The following TTBK2 variants were observed in gnomAD, a reference collection of about 807,000 sequenced individuals.
TTBK2 encodes the protein tau tubulin kinase 2.
Under a neutral mutation model 110.8 loss-of-function variants are expected in TTBK2, and 28 were observed. That is an observed-to-expected ratio of 0.25 (90% CI 0.19 to 0.35). The LOEUF is 0.35. Among genes scored for constraint, TTBK2 ranks in the 10% least tolerant of loss-of-function variants. The pLI is 1.00. For synonymous variants in TTBK2, 532 were observed against 527.3 expected, an observed-to-expected ratio of 1.01 and a Z score of -0.12; for missense variants, 1,369 against 1,500.3, an observed-to-expected ratio of 0.91 and a Z score of 1.45.
Position 42,904,639 on chromosome 15 carries a change from C to T in TTBK2, c.-68+15799G>A, listed in dbSNP as rs570082552. On this transcript the variant is annotated intron_variant, in intron 1 of 14. Transcript: ENST00000267890. ...GATTCAACTTGTAAATGTAGAATAA[C>T]ATGTGGTGAAAAGTCATTTGAAAAA... is the stretch of plus-strand genomic sequence containing the variant. Among the ~76,000 whole-genome samples the T allele has an allele frequency of 1.3e-3, 204 of 152,160 alleles. 6 individuals carry two copies. In the South Asian group the frequency reaches 0.039, roughly 29 times the overall value.
rs752055848 is a variant in TTBK2, at chr15:42,830,082, T to C, written c.292-4A>G. On this transcript the variant is annotated splice_region_variant and splice_polypyrimidine_tract_variant and intron_variant, in intron 4 of 14. Transcript: ENST00000267890. ...GAAGATCTGCCAGATTCCGACCCTA[T>C]GGAAATCAAATAAACACTTTCAAAT... 4.3e-6 allele frequency: 7 copies of C among 1,613,912 alleles called. No individual in the cohort carries two copies. The highest frequency in any genetic ancestry group is 3.3e-5 in the South Asian group (3 of 91,078).
chr15:42,828,654 C>T (rs928807282), intron 5 of TTBK2, among the ~76,000 whole-genome samples: 30 of 147,182 alleles, frequency 2.0e-4, no homozygotes, highest in Non-Finnish European at 3.6e-4. Context: ...ATCCAGGAGG[C>T]GGAGATTACA....
intron 13 of TTBK2, 131 bp downstream of exon 13, chr15:42,775,004 C>G: frequency 1.1e-6 from 1 of 898,226 alleles, no homozygotes; most frequent in Non-Finnish European, 1.7e-6. Flanking sequence ...GAACTTAGTA[C>G]AAAATCACTC....
At chr15:42,918,247 T>C (rs1349598438) in intron 1 of TTBK2, among the ~76,000 whole-genome samples, 1 of 152,078 alleles carries the variant, frequency 6.6e-6, no homozygotes, top group Non-Finnish European at 1.5e-5. Context: ...GTTTGTTTTT[T>C]GTAGAGACAG....
intron 9 of TTBK2, among the ~76,000 whole-genome samples, chr15:42,807,611 G>GTTTTGT: frequency 7.1e-6 from 1 of 141,568 alleles, no homozygotes; most frequent in South Asian, 2.2e-4. Flanking sequence ...TTGTTGTTTT[G>GTTTTGT]TTTTTTGTAG....
intron 13 of TTBK2, among the ~76,000 whole-genome samples, chr15:42,765,255 CG>C (rs1490561080): frequency 1.3e-5 from 2 of 152,160 alleles, no homozygotes; most frequent in African/African-American, 4.8e-5. Flanking sequence ...CAAAGCTGGA[CG>C]GAGAATGAAT....
At chr15:42,900,680 G>A (rs376947404) in intron 1 of TTBK2, among the ~76,000 whole-genome samples, 2 of 152,004 alleles carry the variant, frequency 1.3e-5, no homozygotes, top group African/African-American at 2.4e-5. Context: ...AGCCGAGATC[G>A]TGGCACAGCA....
At chr15:42,775,887 C>T (rs1453355061) in intron 12 of TTBK2, among the ~76,000 whole-genome samples, 164 bp from the exon 13 acceptor site, 2 of 152,128 alleles carry the variant, frequency 1.3e-5, no homozygotes, top group East Asian at 3.8e-4. Flanking sequence ...CTCTACCTGC[C>T]ACATCCTGCT....
chr15:42,877,580 A>G (rs1596013066), intron 2 of TTBK2, among the ~76,000 whole-genome samples: 1 of 152,218 alleles, frequency 6.6e-6, no homozygotes, highest in East Asian at 1.9e-4. Flanking sequence ...TTGGATCTTG[A>G]TTCAGGCTAT....
At position 42,888,638 on chromosome 15, in the gene TTBK2, A is replaced by C. The variant is rs190277622; in HGVS notation, c.-67-9954T>G. Among the ~76,000 whole-genome samples, 654 of 152,154 alleles carry C rather than the reference A, an allele frequency of 4.3e-3. 13 individuals carry two copies. The highest frequency in any genetic ancestry group is 0.015 in the African/African-American group (623 of 41,514). On this transcript the variant is annotated intron_variant, in intron 1 of 14. Transcript: ENST00000267890. ...GCAAAGGGACTATGCATCAATATTT[A>C]TACTGACCCCATATCCTGCACCACC...
chr15:42,897,508 G>A (rs1241172853), intron 1 of TTBK2, among the ~76,000 whole-genome samples: 1 of 152,054 alleles, frequency 6.6e-6, no homozygotes, highest in Non-Finnish European at 1.5e-5. Flanking sequence ...TTTAGACAGG[G>A]TGGGAAAAAG....
At chr15:42,807,910 G>A (rs1001971328) in intron 9 of TTBK2, among the ~76,000 whole-genome samples, 12 of 152,082 alleles carry the variant, frequency 7.9e-5, no homozygotes, top group African/African-American at 2.4e-4. Context: ...CTCTGTGTAG[G>A]AGACTGTTGA....
rs71108183 is a variant in TTBK2, at chr15:42,815,958, A to AAAAATATATATATATATATATATAT, written c.603+1073_603+1074insATATATATATATATATATATATTTT. 9.8e-5 allele frequency among the ~76,000 whole-genome samples: 9 copies of AAAAATATATATATATATATATATAT among 91,714 alleles called. 1 individual carries two copies. Among genetic ancestry groups the AAAAATATATATATATATATATATAT allele is most frequent in the African/African-American group, 5.6e-4 (9 of 16,108 alleles). The allele number at this position is 91,714 out of a possible 152,430, so 60.2% of individuals were successfully genotyped here. ...TATATATATATATATTTAAAAAAAA[A>AAAAATATATATATATATATATATAT]ATATATATATATATATATATTTGAG... On this transcript the variant is annotated intron_variant, in intron 7 of 14. Transcript: ENST00000267890.
chr15:42,804,195 G>A (rs1487704337), intron 9 of TTBK2, among the ~76,000 whole-genome samples: 2 of 151,288 alleles, frequency 1.3e-5, no homozygotes, highest in African/African-American at 2.4e-5. Flanking sequence ...CTGTGATCCC[G>A]GCACTTTGGG....
At chr15:42,814,326 C>A (rs1891851979) in intron 7 of TTBK2, among the ~76,000 whole-genome samples, 1 of 152,096 alleles carries the variant, frequency 6.6e-6, no homozygotes, top group Non-Finnish European at 1.5e-5. Context: ...TGCATGTAAT[C>A]CCAGCACTTT....
At chr15:42,800,991 G>C (rs748719191) in intron 9 of TTBK2, 15 of 761,768 alleles carry the variant, frequency 2.0e-5, no homozygotes, top group Non-Finnish European at 2.9e-5. Flanking sequence ...GGAGGACTCA[G>C]ACACTAGCTT....
chr15:42,888,712 C>CATT, intron 1 of TTBK2, among the ~76,000 whole-genome samples: 1 of 152,312 alleles, frequency 6.6e-6, no homozygotes, highest in East Asian at 1.9e-4. Flanking sequence ...GGTCCTCCAT[C>CATT]ATTGATGTCT....
At chr15:42,833,625 C>T (rs1341091917) in intron 4 of TTBK2, among the ~76,000 whole-genome samples, 1 of 152,082 alleles carries the variant, frequency 6.6e-6, no homozygotes, top group Non-Finnish European at 1.5e-5. Flanking sequence ...ATAATCCCAA[C>T]ACTTTGGGAA....
rs367546137 is a variant in TTBK2, at chr15:42,817,281, TAA to T, written c.538-186_538-185del. 3.8e-3 allele frequency among the ~76,000 whole-genome samples: 564 copies of T among 147,928 alleles called. 2 individuals carry two copies. Among genetic ancestry groups the T allele is most frequent in the African/African-American group, 0.013 (539 of 40,584 alleles). The stretch of plus-strand genomic sequence containing the variant: ...AGAGATTATCTCTAAATCACATCTT[TAA>T]AAAAAAAAACTGATAAAATTTTAAT... On this transcript the variant is annotated intron_variant, in intron 6 of 14. Transcript: ENST00000267890.
Sources: allele counts gnomAD v4.1 joint callset (sites outside exome capture counted in the v4.1 genomes callset), GRCh38; gene constraint gnomAD v4.1.1; transcripts MANE v1.5; gene names NCBI Gene and HGNC (gene_info 2026-07-23, HGNC 2026-07-21).